CFTR: variants seen among roughly 807,000 people sequenced by gnomAD.
CFTR encodes the protein CF transmembrane conductance regulator.
In CFTR, 181 loss-of-function variants were observed where a neutral mutation model predicts 171.6. The ratio of observed to expected loss-of-function variants is 1.05; its 90% CI spans 0.93 to 1.19. The LOEUF is 1.19. CFTR is among the 50% of genes most tolerant of loss of function. CFTR has a pLI of 0.00. For synonymous variants in CFTR, 583 were observed against 608.0 expected (o/e 0.96, Z 0.60); for missense variants, 1,968 against 1,734.7 (o/e 1.13, Z -2.39).
At chr7:117,619,673 C>T (rs1792544094) in intron 21 of CFTR, among the ~76,000 whole-genome samples, 3 of 151,696 alleles carry the variant, frequency 2.0e-5, no homozygotes, top group South Asian at 4.2e-4. Flanking sequence ...GCAGATAAAC[C>T]ATCCTTGTTT....
chr7:117,649,163 T>C (rs1308337039), intron 23 of CFTR, among the ~76,000 whole-genome samples: 1 of 151,770 alleles, frequency 6.6e-6, no homozygotes, highest in African/African-American at 2.4e-5. Context: ...AGACCCACCA[T>C]TTCCCAAGCA....
At chr7:117,551,765 T>C (rs10953847) in intron 10 of CFTR, among the ~76,000 whole-genome samples, 36,844 of 152,072 alleles carry the variant, frequency 0.24, 4,759 homozygotes, top group East Asian at 0.42. Flanking sequence ...TGCCCTTGAC[T>C]GAAAGCTGGC....
In CFTR at chr7:117,548,786, A is replaced by G. The variant is rs397508193; in HGVS notation, c.1355A>G (p.Gln452Arg). The change falls in exon 10 of 27, where the codon CAG becomes CGG. Residue 452 changes from glutamine to arginine, a missense_variant. By Grantham distance (43) the Gln-to-Arg change is conservative. Transcript: ENST00000003084. ...ATTAATTTCAAGATAGAAAGAGGACAGTTGTTGGCGGTTGCTGGATCCACT... is the reference window on the plus strand; with the variant it reads ...ATTAATTTCAAGATAGAAAGAGGACGGTTGTTGGCGGTTGCTGGATCCACT... ...KDINFKIERG[Q>R]LLAVAGSTGA... 6.3e-7 allele frequency: 1 copy of G among 1,586,104 alleles called. No homozygotes were observed. Among genetic ancestry groups the G allele is most frequent in the Non-Finnish European group, 8.6e-7 (1 of 1,168,750 alleles).
chr7:117,560,424 T>C (rs1799443319), intron 11 of CFTR, among the ~76,000 whole-genome samples: 1 of 152,158 alleles, frequency 6.6e-6, no homozygotes, highest in African/African-American at 2.4e-5. Flanking sequence ...CCAAATAGTG[T>C]TTGTGATTCA....
chr7:117,643,929 G>A (rs993118299), intron 23 of CFTR, among the ~76,000 whole-genome samples: 2 of 152,186 alleles, frequency 1.3e-5, no homozygotes, highest in African/African-American at 4.8e-5. Context: ...CTATGTAGTA[G>A]AGAGGTTTTG....
chr7:117,618,111 T>C (rs951689633), intron 21 of CFTR, among the ~76,000 whole-genome samples: 1 of 152,172 alleles, frequency 6.6e-6, no homozygotes, highest in Non-Finnish European at 1.5e-5. Context: ...CTCTGGCTCT[T>C]CCTTGGTCCC....
chr7:117,621,918 A>C (rs1320699272), intron 21 of CFTR, among the ~76,000 whole-genome samples: 1 of 152,132 alleles, frequency 6.6e-6, no homozygotes, highest in East Asian at 1.9e-4. Context: ...TGTTTACCAA[A>C]GTTCTTAGTT....
chr7:117,486,308 C>T (rs1798073630), intron 1 of CFTR, among the ~76,000 whole-genome samples: 1 of 152,066 alleles, frequency 6.6e-6, no homozygotes, highest in Admixed American at 6.6e-5. Flanking sequence ...GGAAGATGAC[C>T]TCATTCATAT....
chr7:117,615,389 G>T (rs1414824085), intron 21 of CFTR, among the ~76,000 whole-genome samples: 5 of 151,890 alleles, frequency 3.3e-5, no homozygotes, highest in Non-Finnish European at 5.9e-5. Flanking sequence ...TCAATTTATT[G>T]TCTTTTCCTT....
At chr7:117,661,281 T>C (rs1793277144) in intron 24 of CFTR, among the ~76,000 whole-genome samples, 1 of 152,236 alleles carries the variant, frequency 6.6e-6, no homozygotes, top group African/African-American at 2.4e-5. Context: ...ATAGGAATAT[T>C]GCAAAATGTC....
At chr7:117,561,495 T>C (rs1799463549) in intron 11 of CFTR, among the ~76,000 whole-genome samples, 1 of 152,098 alleles carries the variant, frequency 6.6e-6, no homozygotes, top group African/African-American at 2.4e-5. Flanking sequence ...ATTCCAGCTT[T>C]AAACAATCAC....
At chr7:117,518,569 C>CATATATATATATATATAT (rs72291298) in intron 3 of CFTR, among the ~76,000 whole-genome samples, 2 of 142,104 alleles carry the variant, frequency 1.4e-5, no homozygotes, top group African/African-American at 5.2e-5. Context: ...TATATAAAAA[C>CATATATATATATATATAT]ATATATATAT....
At chr7:117,633,212 TA>T (rs1307014501) in intron 22 of CFTR, among the ~76,000 whole-genome samples, 9 of 152,210 alleles carry the variant, frequency 5.9e-5, no homozygotes, top group African/African-American at 2.2e-4. Context: ...TTTCCTCATA[TA>T]GTCTTTTAAA....
intron 17 of CFTR, among the ~76,000 whole-genome samples, chr7:117,606,217 G>A (rs945981764): frequency 2.0e-5 from 3 of 152,256 alleles, no homozygotes; most frequent in African/African-American, 4.8e-5. Flanking sequence ...AGAGAGAGCA[G>A]CCAGGGTTTC....
At chr7:117,664,120 G>A (rs1383158820) in intron 24 of CFTR, among the ~76,000 whole-genome samples, 1 of 152,016 alleles carries the variant, frequency 6.6e-6, no homozygotes, top group African/African-American at 2.4e-5. Context: ...GAGATGAATA[G>A]CAATTTTCCA....
chr7:117,540,270 G>A lies in CFTR; in HGVS notation c.1040G>A (p.Arg347His), dbSNP rs77932196. The A allele has an allele frequency of 5.2e-5, 84 of 1,613,842 alleles. No homozygotes were observed. The highest frequency in any genetic ancestry group is 6.5e-5 in the Non-Finnish European group (77 of 1,179,892). ...FTTISFCIVL[R>H]MAVTRQFPWA... ...ACCATCTCATTCTGCATTGTTCTGC[G>A]CATGGCGGTCACTCGGCAATTTCCC... The change falls in exon 8 of 27, where the codon CGC (arginine) becomes CAC (histidine). Residue 347 changes from arginine (R) to histidine (H), a missense_variant. Transcript: ENST00000003084.
intron 9 of CFTR, among the ~76,000 whole-genome samples, chr7:117,544,530 T>A (rs1297726941): frequency 6.6e-6 from 1 of 152,196 alleles, no homozygotes; most frequent in Admixed American, 6.5e-5. Context: ...GAATTATCTT[T>A]TTCTTCTTTT....
At chr7:117,616,290 C>T (rs1031549143) in intron 21 of CFTR, 5 of 150,982 alleles carry the variant, frequency 3.3e-5, no homozygotes, top group Admixed American at 1.3e-4. Flanking sequence ...GTCTTTAATT[C>T]CATTCCAGTA....
In CFTR at chr7:117,535,412, G is replaced by T; in HGVS notation, c.743+1G>T. The T allele has an allele frequency of 6.2e-7, 1 of 1,613,816 alleles. No homozygotes were observed. Among genetic ancestry groups the T allele is most frequent in the Non-Finnish European group, 8.5e-7 (1 of 1,179,876 alleles). ...TAGGGAGAATGATGATGAAGTACAG[G>T]TAGCAACCTATTTTCATAACTTGAA... On this transcript the variant is annotated splice_donor_variant, in intron 6 of 26. Coordinates refer to ENST00000003084, the MANE Select transcript of CFTR (RefSeq NM_000492.4). LOFTEE classifies it high-confidence loss of function.
Sources: gnomAD v4.1 joint callset for allele counts (sites outside exome capture counted in the v4.1 genomes callset) on GRCh38, gnomAD v4.1.1 for gene constraint, MANE v1.5 for transcripts, NCBI Gene and HGNC (gene_info 2026-07-23, HGNC 2026-07-21) for gene names.